SLC19A1: variants seen among roughly 807,000 people sequenced by gnomAD.
SLC19A1 encodes reduced folate transporter.
Under a neutral mutation model 35.3 loss-of-function variants are expected in SLC19A1, and 37 were observed. That is an observed-to-expected ratio of 1.05 (90% CI 0.81 to 1.38). The LOEUF is 1.38. SLC19A1 is among the 40% of genes most tolerant of loss of function. The pLI is 0.00. For synonymous variants in SLC19A1, 460 were observed against 398.5 expected, an observed-to-expected ratio of 1.15 and a Z score of -1.84; for missense variants, 831 against 826.9, an observed-to-expected ratio of 1.00 and a Z score of -0.06.
Position 45,505,251 on chromosome 21 carries a change from C to A in SLC19A1, c.498-6639G>T, listed in dbSNP as rs1299085321. On this transcript the variant is annotated intron_variant, in intron 3 of 4. Transcript: ENST00000417954. ...CGGCCCCCCAGGCCCCCCAGGGCCCCCTTCATTTCCTGGCCCTCACAGGCA... is the reference window on the plus strand; with the variant it reads ...CGGCCCCCCAGGCCCCCCAGGGCCCACTTCATTTCCTGGCCCTCACAGGCA... 4.4e-6 allele frequency: 7 copies of A among 1,606,106 alleles called. No individual in the cohort carries two copies. Among genetic ancestry groups the A allele is most frequent in the Non-Finnish European group, 6.0e-6 (7 of 1,175,152 alleles).
At chr21:45,535,234 G>A (rs541740864) in intron 2 of SLC19A1, among the ~76,000 whole-genome samples, 3 of 152,230 alleles carry the variant, frequency 2.0e-5, no homozygotes, top group African/African-American at 4.8e-5. Flanking sequence ...TCCAGCGGGG[G>A]CCCAGGCAAC....
intron 3 of SLC19A1, among the ~76,000 whole-genome samples, chr21:45,503,710 A>G (rs372815086): frequency 0.013 from 1,899 of 151,746 alleles, 17 homozygotes; most frequent in African/African-American, 0.013. Context: ...TGGGTGCAGC[A>G]CACCAGCATG....
Position 45,526,532 on chromosome 21 carries a change from G to A in SLC19A1, c.1152-574C>T, listed in dbSNP as rs141821734. Reference sequence around the variant, plus strand: ...GGATTTTCCACCGGGTTGTCTTTCCGGTGCTCAAAAACTGTCAGATTTTGG... The same window carrying A: ...GGATTTTCCACCGGGTTGTCTTTCCAGTGCTCAAAAACTGTCAGATTTTGG... On this transcript the variant is annotated intron_variant, in intron 4 of 5. Transcript: ENST00000311124. 1.1e-3 allele frequency among the ~76,000 whole-genome samples: 167 copies of A among 152,280 alleles called. 2 individuals carry two copies. Among genetic ancestry groups the A allele is most frequent in the African/African-American group, 3.9e-3 (163 of 41,568 alleles).
intron 4 of SLC19A1, among the ~76,000 whole-genome samples, chr21:45,528,628 T>C (rs1409977742): frequency 6.6e-6 from 1 of 151,972 alleles, no homozygotes; most frequent in Non-Finnish European, 1.5e-5. Flanking sequence ...AACCTGGCCA[T>C]TCCCCTTCCA....
intron 1 of SLC19A1, among the ~76,000 whole-genome samples, chr21:45,538,764 A>T (rs2078215167): frequency 1.3e-5 from 2 of 152,158 alleles, no homozygotes; most frequent in Non-Finnish European, 2.9e-5. Flanking sequence ...GTTACCCTAG[A>T]CGAAAGCAGC....
rs2038020463 is a variant in SLC19A1 at position 45,517,461 on chromosome 21, TAA to T, written c.1294-1323_1294-1322del. Among the ~76,000 whole-genome samples, 1 of 151,662 alleles carries T rather than the reference TAA, an allele frequency of 6.6e-6. No homozygotes were observed. Among genetic ancestry groups the T allele is most frequent in the Non-Finnish European group, 1.5e-5 (1 of 67,932 alleles). ...TAGAGCTTTCACTCCCACTGGTTGG[TAA>T]AGACACCCACCCTCACCCCCAAGGA... is the stretch of plus-strand genomic sequence containing the variant. On this transcript the variant is annotated intron_variant, in intron 5 of 5. Coordinates refer to ENST00000311124, the MANE Select transcript of SLC19A1 (RefSeq NM_194255.4). This position sits in a 1 kb window ranked among gnomAD's most constrained non-coding sequence, Gnocchi z 4.4.
Position 45,515,569 on chromosome 21 carries a change from C to T in SLC19A1, c.*89G>A. 6.3e-7 allele frequency: 1 copy of T among 1,579,030 alleles called. No homozygotes were observed. Among genetic ancestry groups the T allele is most frequent in the Non-Finnish European group, 8.5e-7 (1 of 1,170,406 alleles). ...CCTGCTAGCAGGATAAGCGGAGGCCCCCATTGCTAAGGCAGGCGGCCCTCG... is the reference window on the plus strand; with the variant it reads ...CCTGCTAGCAGGATAAGCGGAGGCCTCCATTGCTAAGGCAGGCGGCCCTCG... On this transcript the variant is annotated 3_prime_UTR_variant, in exon 6 of 6. Transcript: ENST00000311124.
At chr21:45,555,018 G>A (rs62214332) in intron 1 of SLC19A1, among the ~76,000 whole-genome samples, 50,919 of 149,596 alleles carry the variant, frequency 0.34, 8,716 homozygotes, top group East Asian at 0.46. Context: ...TTATGCGTGG[G>A]GCCGCCCTGT....
downstream of SLC19A1, chr21:45,509,956 C>G: frequency 7.6e-7 from 1 of 1,307,364 alleles, no homozygotes. Context: ...GCTCAGCGCC[C>G]CTCGGCCGTG....
chr21:45,510,525 C>T (rs372046314), downstream of SLC19A1, among the ~76,000 whole-genome samples: 7 of 152,170 alleles, frequency 4.6e-5, no homozygotes, highest in Non-Finnish European at 7.4e-5. Flanking sequence ...CCCGCTCCCC[C>T]GGCAGTGCCC....
chr21:45,504,149 C>T (rs1264979917), intron 3 of SLC19A1: 9 of 1,427,596 alleles, frequency 6.3e-6, no homozygotes, highest in African/African-American at 2.8e-5. Context: ...GGCCCAAGCC[C>T]CCTTCCTGTT....
intron 1 of SLC19A1, among the ~76,000 whole-genome samples, chr21:45,562,583 T>C (rs1198559921): frequency 6.6e-6 from 1 of 152,148 alleles, no homozygotes; most frequent in Non-Finnish European, 1.5e-5. Flanking sequence ...CTGCCGGAGC[T>C]CATGACCAGG....
rs1056425362 is a variant in SLC19A1, at chr21:45,514,034, G to A, written c.*1624C>T. On this transcript the variant is annotated 3_prime_UTR_variant, in exon 6 of 6. Transcript: ENST00000311124. ...ACACTACATCCTGACAGCCATCCCT[G>A]TCCTGGTGGACGGGTGAGTGCAGGA... The A allele has an allele frequency of 5.2e-5, 8 of 152,384 alleles. No individual in the cohort carries two copies. Among genetic ancestry groups the A allele is most frequent in the Non-Finnish European group, 8.8e-5 (6 of 68,148 alleles). The allele number at this position is 152,384 out of a possible 1,614,324, so 9.4% of individuals were successfully genotyped here. A position where few individuals can be genotyped will look rare whatever the true frequency, so the allele number is the denominator to read the frequency against.
At chr21:45,557,872 G>A (rs2078579297) in intron 1 of SLC19A1, among the ~76,000 whole-genome samples, 1 of 152,212 alleles carries the variant, frequency 6.6e-6, no homozygotes, top group Non-Finnish European at 1.5e-5. Flanking sequence ...CTCGGCACTC[G>A]GACTTGGCCT....
intron 2 of SLC19A1, among the ~76,000 whole-genome samples, chr21:45,536,775 G>T (rs1453808590): frequency 6.6e-6 from 1 of 152,198 alleles, no homozygotes; most frequent in Non-Finnish European, 1.5e-5. Context: ...AGAGGACGGG[G>T]TCAGCGGCTG....
chr21:45,529,297 G>T (rs1022875095), intron 4 of SLC19A1, among the ~76,000 whole-genome samples: 1 of 152,218 alleles, frequency 6.6e-6, no homozygotes, highest in African/African-American at 2.4e-5. Context: ...TGAGGCCACT[G>T]ACACAGAGGG....
At chr21:45,560,535 C>CCCCCGCTAGGGTGCCCACGGTGGCG (rs1176273303) in intron 1 of SLC19A1, among the ~76,000 whole-genome samples, 6 of 150,898 alleles carry the variant, frequency 4.0e-5, no homozygotes, top group African/African-American at 7.4e-5. Flanking sequence ...GGCACTGGCA[C>CCCCCGCTAGGGTGCCCACGGTGGCG]CATGGTAGGA....
chr21:45,546,746 T>G (rs1398811136), upstream of SLC19A1, among the ~76,000 whole-genome samples: 1 of 152,246 alleles, frequency 6.6e-6, no homozygotes, highest in East Asian at 1.9e-4. Context: ...CTACACTGCC[T>G]GGTCCTCATT....
intron 2 of SLC19A1, 25 bp downstream of exon 2, chr21:45,537,746 G>T (rs371548092): frequency 6.9e-6 from 2 of 291,370 alleles, no homozygotes; most frequent in Non-Finnish European, 9.9e-6. Context: ...ACAGGCGGCC[G>T]CCCGGCACCC....
Sources: allele counts gnomAD v4.1 joint callset (sites outside exome capture counted in the v4.1 genomes callset), GRCh38; gene constraint gnomAD v4.1.1; non-coding constraint Gnocchi (gnomAD v3.1); transcripts MANE v1.5; gene names NCBI Gene and HGNC (gene_info 2026-07-23, HGNC 2026-07-21).